IQCM: variants seen among roughly 807,000 people sequenced by gnomAD.
IQCM encodes the protein IQ motif containing M.
A neutral mutation model predicts 57.6 loss-of-function variants in IQCM; 45 were observed. The ratio of observed to expected loss-of-function variants is 0.78; its 90% CI spans 0.62 to 1.00. The LOEUF (loss-of-function observed/expected upper bound fraction) is 1.00, where lower values mean the gene tolerates loss of function less well. Ranked by LOEUF, IQCM falls within the 50% of genes least tolerant of loss-of-function variation. The pLI is 0.00. For missense variants in IQCM, 468 were observed against 511.6 expected, an observed-to-expected ratio of 0.91 and a Z score of 0.82; for synonymous variants, 148 against 158.9, an observed-to-expected ratio of 0.93 and a Z score of 0.51.
intron 12 of IQCM, among the ~76,000 whole-genome samples, chr4:149,473,922 C>T (rs965284378): frequency 4.6e-5 from 7 of 152,044 alleles, no homozygotes; most frequent in Admixed American, 6.6e-5. Flanking sequence ...GGGAATTGAA[C>T]AATGAGAACA....
chr4:149,769,420 C>T (rs1770355978), intron 2 of IQCM, among the ~76,000 whole-genome samples: 1 of 151,862 alleles, frequency 6.6e-6, no homozygotes, highest in South Asian at 2.1e-4. Context: ...AACTACCTAC[C>T]ATTCTGACTC....
chr4:149,752,803 T>C (rs1561234315), intron 2 of IQCM, among the ~76,000 whole-genome samples: 1 of 152,184 alleles, frequency 6.6e-6, no homozygotes, highest in Non-Finnish European at 1.5e-5. Context: ...AGCGAGGCTC[T>C]GCTAAAAATG....
chr4:149,600,105 TC>T (rs1479788472), intron 8 of IQCM, among the ~76,000 whole-genome samples: 1 of 152,160 alleles, frequency 6.6e-6, no homozygotes, highest in Non-Finnish European at 1.5e-5. Context: ...TCGAATTAAA[TC>T]CTTTTTACTT....
intron 9 of IQCM, among the ~76,000 whole-genome samples, chr4:149,570,380 C>T (rs2149957093): frequency 6.6e-6 from 1 of 152,036 alleles, no homozygotes; most frequent in Admixed American, 6.6e-5. Context: ...AAATGATGCC[C>T]ACTAGGTCCT....
At chr4:149,474,083 C>A (rs1739902491) in intron 12 of IQCM, among the ~76,000 whole-genome samples, 1 of 151,452 alleles carries the variant, frequency 6.6e-6, no homozygotes, top group Admixed American at 6.6e-5. Context: ...ATGTAACAAA[C>A]CTGCACATTG....
chr4:149,712,756 C>A (rs547096994), intron 5 of IQCM, among the ~76,000 whole-genome samples: 1 of 152,122 alleles, frequency 6.6e-6, no homozygotes, highest in Non-Finnish European at 1.5e-5. Flanking sequence ...TTGAATTCTG[C>A]CCCCAGTCAT....
rs372679104 is a variant in IQCM, at chr4:149,815,687, C to T, written c.-174G>A. On this transcript the variant is annotated 5_prime_UTR_variant, in exon 1 of 14. Transcript: ENST00000636793. ...TCTCAGTTGCTTCACAGCATAGAAA[C>T]CTTGTATTCTTCCTTTATTATTTAT... 1.3e-5 allele frequency: 2 copies of T among 151,944 alleles called. No homozygotes were observed. Among genetic ancestry groups the T allele is most frequent in the Non-Finnish European group, 2.9e-5 (2 of 67,888 alleles). The allele number at this position is 151,944 out of a possible 1,614,324, so 9.4% of individuals were successfully genotyped here. A position where few individuals can be genotyped will look rare whatever the true frequency, so the allele number is the denominator to read the frequency against.
intron 13 of IQCM, among the ~76,000 whole-genome samples, chr4:149,361,024 G>A (rs1397905058): frequency 6.6e-6 from 1 of 152,224 alleles, no homozygotes; most frequent in African/African-American, 2.4e-5. Flanking sequence ...GATCCAGGCT[G>A]AGGTGGTCTC....
chr4:149,390,794 C>T lies in IQCM; in HGVS notation c.1391-38728G>A, dbSNP rs576769440. On this transcript the variant is annotated intron_variant, in intron 13 of 13. Coordinates refer to ENST00000636793, the MANE Select transcript of IQCM (RefSeq NM_001363507.2). ...TGATCATGGGGTGTAATCTTTTTTA[C>T]AAGCCACCGGATTCAACTTTTTAGT... Among the ~76,000 whole-genome samples, 11 of 151,704 alleles carry T rather than the reference C, an allele frequency of 7.3e-5. No individual in the cohort carries two copies. The South Asian group carries it at 1.9e-3, about 26-fold the overall frequency.
chr4:149,427,830 T>C (rs1434828522), intron 13 of IQCM, among the ~76,000 whole-genome samples: 3 of 151,856 alleles, frequency 2.0e-5, no homozygotes, highest in Non-Finnish European at 4.4e-5. Context: ...AACATGACAT[T>C]GGAGGCTGAT....
chr4:149,773,331 G>C (rs542110222), intron 2 of IQCM, among the ~76,000 whole-genome samples: 1 of 150,074 alleles, frequency 6.7e-6, no homozygotes, highest in Non-Finnish European at 1.5e-5. Context: ...CAGCCTGGGC[G>C]ACGGAGCAAA....
chr4:149,765,737 C>T (rs1185265096), intron 2 of IQCM, among the ~76,000 whole-genome samples: 1 of 152,064 alleles, frequency 6.6e-6, no homozygotes, highest in African/African-American at 2.4e-5. Flanking sequence ...AACCAGAGGT[C>T]ACAAGATTTG....
chr4:149,731,936 G>A (rs960962245), intron 5 of IQCM, among the ~76,000 whole-genome samples: 1 of 152,124 alleles, frequency 6.6e-6, no homozygotes, highest in Non-Finnish European at 1.5e-5. Context: ...ATTCTGAAGA[G>A]CATGCTTTGA....
In IQCM at chr4:149,632,920, G is replaced by A. The variant is rs559657374; in HGVS notation, c.566-11676C>T. Reference sequence around the variant, plus strand: ...CTCACGCCTGTAATCCCAGCACTTTGGGAGGCCGAGGCGGGTGGATCATGA... The same window carrying A: ...CTCACGCCTGTAATCCCAGCACTTTAGGAGGCCGAGGCGGGTGGATCATGA... On this transcript the variant is annotated intron_variant, in intron 7 of 13. Coordinates refer to ENST00000636793, the MANE Select transcript of IQCM (RefSeq NM_001363507.2). Among the ~76,000 whole-genome samples the A allele has an allele frequency of 5.3e-5, 8 of 152,062 alleles. No homozygotes were observed. The East Asian group carries it at 1.5e-3, about 29-fold the overall frequency.
At chr4:149,432,386 T>C (rs887359972) in intron 13 of IQCM, among the ~76,000 whole-genome samples, 1 of 152,018 alleles carries the variant, frequency 6.6e-6, no homozygotes, top group African/African-American at 2.4e-5. Context: ...AACTGCGAAG[T>C]TAATTTATAG....
rs1393824240 is a variant in IQCM at position 149,647,312 on chromosome 4, C to T, written c.566-26068G>A. On this transcript the variant is annotated intron_variant, in intron 7 of 13. Coordinates refer to ENST00000636793, the MANE Select transcript of IQCM (RefSeq NM_001363507.2). ...TCTTTAAAGGAAAATTTTATTTTCC[C>T]TTATATTTCAGGTCTCCCTTCTAAG... Among the ~76,000 whole-genome samples the T allele has an allele frequency of 5.9e-5, 9 of 151,598 alleles. No individual in the cohort carries two copies. In the South Asian group the frequency reaches 1.9e-3, roughly 32 times the overall value.
chr4:149,610,543 A>G (rs1755189673), intron 8 of IQCM, among the ~76,000 whole-genome samples: 1 of 152,072 alleles, frequency 6.6e-6, no homozygotes, highest in South Asian at 2.1e-4. Context: ...GTGGAACAGA[A>G]CAGAGAAACA....
At chr4:149,492,161 T>TCAGATAC (rs1742162987) in intron 12 of IQCM, among the ~76,000 whole-genome samples, 1 of 152,090 alleles carries the variant, frequency 6.6e-6, no homozygotes, top group Admixed American at 6.6e-5. Context: ...TAACCTCTTA[T>TCAGATAC]CAGATACATG....
chr4:149,496,929 G>T (rs894493425), intron 12 of IQCM, among the ~76,000 whole-genome samples: 1 of 152,092 alleles, frequency 6.6e-6, no homozygotes, highest in Non-Finnish European at 1.5e-5. Context: ...CAAGGTATTT[G>T]CTCCTAAAAT....
Sources: gnomAD v4.1 joint callset for allele counts (sites outside exome capture counted in the v4.1 genomes callset) on GRCh38, gnomAD v4.1.1 for gene constraint, MANE v1.5 for transcripts, NCBI Gene and HGNC (gene_info 2026-07-23, HGNC 2026-07-21) for gene names.